The following RUNX2 variants were observed in gnomAD, a reference collection of about 807,000 sequenced individuals.
The protein encoded by RUNX2 is RUNX family transcription factor 2.
Under a neutral mutation model 51.7 loss-of-function variants are expected in RUNX2, and 10 were observed. That is an observed-to-expected ratio of 0.19 (90% CI 0.12 to 0.33). RUNX2 has a LOEUF of 0.33. Among genes scored for constraint, RUNX2 ranks in the 10% least tolerant of loss-of-function variants. RUNX2 has a pLI of 1.00. For missense variants in RUNX2, 562 were observed against 691.3 expected, an observed-to-expected ratio of 0.81 and a Z score of 2.10; for synonymous variants, 276 against 273.6, an observed-to-expected ratio of 1.01 and a Z score of -0.09.
At chr6:45,446,677 G>A (rs970791620) in intron 5 of RUNX2, among the ~76,000 whole-genome samples, 1 of 152,050 alleles carries the variant, frequency 6.6e-6, no homozygotes, top group African/African-American at 2.4e-5. Flanking sequence ...AAGATTTGTT[G>A]TATTGCTTTT....
chr6:45,526,430 A>T (rs1001342984), intron 7 of RUNX2, among the ~76,000 whole-genome samples: 3 of 152,226 alleles, frequency 2.0e-5, no homozygotes, highest in Non-Finnish European at 4.4e-5. Context: ...TTATAAGCTA[A>T]GAGTTATTAA....
At chr6:45,516,883 C>G (rs997443781) in intron 7 of RUNX2, among the ~76,000 whole-genome samples, 5 of 152,104 alleles carry the variant, frequency 3.3e-5, no homozygotes, top group Admixed American at 2.0e-4. Context: ...TGGAAAGAAG[C>G]ACAACTCTTT....
At chr6:45,352,354 G>A (rs74330972) in intron 2 of RUNX2, among the ~76,000 whole-genome samples, 2,665 of 152,152 alleles carry the variant, frequency 0.018, 49 homozygotes, top group South Asian at 0.085. Flanking sequence ...AGAAAAGAAA[G>A]TGTATCAAGT....
At chr6:45,358,936 T>C (rs930883025) in intron 2 of RUNX2, among the ~76,000 whole-genome samples, 11 of 152,162 alleles carry the variant, frequency 7.2e-5, no homozygotes, top group African/African-American at 2.7e-4. Flanking sequence ...GCAATTATAC[T>C]GCAATTTTAG....
intron 2 of RUNX2, among the ~76,000 whole-genome samples, chr6:45,405,781 C>A (rs998250752): frequency 6.6e-6 from 1 of 150,506 alleles, no homozygotes; most frequent in Non-Finnish European, 1.5e-5. Flanking sequence ...AAGTGAAAAT[C>A]CGTCTCAAAA....
At chr6:45,511,770 G>A (rs1035741286) in intron 6 of RUNX2, among the ~76,000 whole-genome samples, 2 of 152,218 alleles carry the variant, frequency 1.3e-5, no homozygotes, top group African/African-American at 2.4e-5. Flanking sequence ...CTGAAAGATA[G>A]TAAGTAGCTG....
intron 5 of RUNX2, among the ~76,000 whole-genome samples, chr6:45,465,678 A>C (rs1302870025): frequency 6.7e-6 from 1 of 149,980 alleles, no homozygotes; most frequent in Non-Finnish European, 1.5e-5. Context: ...ATCTCATTTC[A>C]ATTGCCCAGG....
At chr6:45,520,592 G>C (rs1014142927) in intron 7 of RUNX2, among the ~76,000 whole-genome samples, 3 of 152,124 alleles carry the variant, frequency 2.0e-5, no homozygotes, top group African/African-American at 7.2e-5. Context: ...TGCACTGGGG[G>C]GCAGGGCCCT....
At chr6:45,394,669 A>G (rs1256389196) in intron 2 of RUNX2, among the ~76,000 whole-genome samples, 2 of 152,038 alleles carry the variant, frequency 1.3e-5, no homozygotes, top group Non-Finnish European at 2.9e-5. Flanking sequence ...CACTGCCATC[A>G]AGTTAGATAG....
chr6:45,354,518 CGCT>C (rs1030585333), intron 2 of RUNX2, among the ~76,000 whole-genome samples: 4 of 151,414 alleles, frequency 2.6e-5, no homozygotes, highest in African/African-American at 9.7e-5. Flanking sequence ...CTTCTACTGC[CGCT>C]GCTAACTCAT....
chr6:45,330,143 T>C (rs1787163952), intron 2 of RUNX2, among the ~76,000 whole-genome samples: 1 of 151,906 alleles, frequency 6.6e-6, no homozygotes. Flanking sequence ...ATTGCTTTAG[T>C]GACTCCCTCA....
At chr6:45,482,887 G>T (rs775978918) in intron 5 of RUNX2, among the ~76,000 whole-genome samples, 1 of 152,148 alleles carries the variant, frequency 6.6e-6, no homozygotes, top group South Asian at 2.1e-4. Context: ...AATCTTACGT[G>T]CCTGACTCTG....
At chr6:45,479,461 G>A (rs1800049209) in intron 5 of RUNX2, among the ~76,000 whole-genome samples, 1 of 152,170 alleles carries the variant, frequency 6.6e-6, no homozygotes, top group African/African-American at 2.4e-5. Flanking sequence ...TGAGAGGACG[G>A]TATCCCTAAT....
intron 2 of RUNX2, among the ~76,000 whole-genome samples, chr6:45,390,478 T>C (rs77038337): frequency 0.01 from 1,573 of 152,346 alleles, 28 homozygotes; most frequent in African/African-American, 0.035. Flanking sequence ...TTTATGAAAA[T>C]GTTTTAAAAC....
intron 6 of RUNX2, 61 bp downstream of exon 6, chr6:45,492,175 C>T: frequency 6.5e-7 from 1 of 1,539,164 alleles, no homozygotes; most frequent in Non-Finnish European, 9.0e-7. Context: ...TGAGGGGCTA[C>T]CAGAGGAGAT....
chr6:45,537,149 T>C lies in RUNX2; in HGVS notation c.1022-8068T>C, dbSNP rs778805785. 2.0e-5 allele frequency among the ~76,000 whole-genome samples: 3 copies of C among 152,218 alleles called. 1 individual carries two copies. Among genetic ancestry groups the C allele is most frequent in the South Asian group, 4.1e-4 (2 of 4,828 alleles). ...CTAAGGAATATAAAACATGGTTTGC[T>C]TCATATCATTCAGAACACCAGTGGT... On this transcript the variant is annotated intron_variant, in intron 7 of 8. Transcript: ENST00000647337.
At chr6:45,371,504 T>C (rs562886752) in intron 2 of RUNX2, among the ~76,000 whole-genome samples, 12 of 151,930 alleles carry the variant, frequency 7.9e-5, no homozygotes, top group Non-Finnish European at 1.2e-4. Context: ...CAGGCTTTGA[T>C]CCCAGATAGC....
chr6:45,328,870 C>A, intron 2 of RUNX2, 86 bp downstream of exon 2: 1 of 1,350,636 alleles, frequency 7.4e-7, no homozygotes, highest in Non-Finnish European at 1.1e-6. Flanking sequence ...CTAGCTTTTC[C>A]AAATAGCATA....
At chr6:45,523,856 C>T (rs745504540) in intron 7 of RUNX2, among the ~76,000 whole-genome samples, 14 of 151,418 alleles carry the variant, frequency 9.2e-5, no homozygotes, top group Non-Finnish European at 1.5e-4. Flanking sequence ...CACTTGAACC[C>T]GGGAGGCGGA....
Sources: gnomAD v4.1 joint callset for allele counts (sites outside exome capture counted in the v4.1 genomes callset) on GRCh38, gnomAD v4.1.1 for gene constraint, MANE v1.5 for transcripts, NCBI Gene and HGNC (gene_info 2026-07-23, HGNC 2026-07-21) for gene names.